The following NEK4 variants were observed in gnomAD, a reference collection of about 807,000 sequenced individuals.
NEK4 encodes the protein NIMA related kinase 4.
In NEK4, 86 loss-of-function variants were observed where a neutral mutation model predicts 98.4. The observed-to-expected ratio is 0.87, with a 90% CI of 0.73 to 1.05. The LOEUF (loss-of-function observed/expected upper bound fraction) is 1.05, where lower values mean the gene tolerates loss of function less well. NEK4 is among the 50% of genes least tolerant of loss of function. The pLI, the probability that NEK4 is intolerant of heterozygous loss-of-function variation, is 0.00. For synonymous variants in NEK4, 328 were observed against 342.2 expected (o/e 0.96, Z 0.46); for missense variants, 898 against 950.3 (o/e 0.94, Z 0.72).
intron 15 of NEK4, among the ~76,000 whole-genome samples, chr3:52,720,192 T>C (rs1197439467): frequency 6.6e-6 from 1 of 151,964 alleles, no homozygotes; most frequent in Non-Finnish European, 1.5e-5. Context: ...CTGAAGCAGA[T>C]GAGTAGCTAG....
chr3:52,747,470 G>C (rs1443890682), intron 8 of NEK4: 2 of 142,132 alleles, frequency 1.4e-5, no homozygotes, highest in South Asian at 4.5e-4. Context: ...AAAAAAAAAA[G>C]AAAAGAAAAG....
Position 52,735,037 on chromosome 3 carries a change from G to C in NEK4, c.2433+2549C>G, listed in dbSNP as rs2097374048. 3 of 173,436 alleles carry C rather than the reference G, an allele frequency of 1.7e-5. No homozygotes were observed. In the South Asian group the frequency reaches 4.3e-4, roughly 25 times the overall value. The allele number at this position is 173,436 out of a possible 1,614,324, so 10.7% of individuals were successfully genotyped here. On this transcript the variant is annotated intron_variant, in intron 15 of 15. Coordinates refer to ENST00000233027, the MANE Select transcript of NEK4 (RefSeq NM_003157.6). The stretch of plus-strand genomic sequence containing the variant: ...AAGCTCTTCAGTTACTCCATGAGGA[G>C]AAATACATGTAACGAGTAAGATGAG...
At chr3:52,741,583 T>G in intron 12 of NEK4, 84 bp from the exon 13 acceptor site, 1 of 794,456 alleles carries the variant, frequency 1.3e-6, no homozygotes. Context: ...ATGCAACAAC[T>G]AGACACAATA....
At chr3:52,744,899 G>T (rs2097393315) in intron 10 of NEK4, among the ~76,000 whole-genome samples, 1 of 151,798 alleles carries the variant, frequency 6.6e-6, no homozygotes, top group Non-Finnish European at 1.5e-5. Flanking sequence ...TTTCACATTT[G>T]CCATATTCGG....
chr3:52,712,172 AAC>A (rs2097351038), intron 15 of NEK4, among the ~76,000 whole-genome samples: 1 of 152,264 alleles, frequency 6.6e-6, no homozygotes, highest in Non-Finnish European at 1.5e-5. Flanking sequence ...GAATAGGTAA[AAC>A]AAAATCAATT....
At chr3:52,723,262 A>G (rs559656064) in intron 15 of NEK4, among the ~76,000 whole-genome samples, 2 of 152,022 alleles carry the variant, frequency 1.3e-5, no homozygotes, top group African/African-American at 4.8e-5. Flanking sequence ...AAAAAGAAAA[A>G]AAGAATTTTT....
At position 52,741,507 on chromosome 3, in the gene NEK4, A is replaced by G. The variant is rs2097386193; in HGVS notation, c.2005-8T>C. The G allele has an allele frequency of 6.4e-7, 1 of 1,567,020 alleles. No homozygotes were observed. Among genetic ancestry groups the G allele is most frequent in the South Asian group, 1.1e-5 (1 of 89,836 alleles). ...ATGAATCTGTTTCCTTTCCTATTAAATGTTTGGAAGAATTAAAATTCTACA... is the reference window on the plus strand; with the variant it reads ...ATGAATCTGTTTCCTTTCCTATTAAGTGTTTGGAAGAATTAAAATTCTACA... On this transcript the variant is annotated splice_region_variant and splice_polypyrimidine_tract_variant and intron_variant, in intron 12 of 15. Coordinates refer to ENST00000233027, the MANE Select transcript of NEK4 (RefSeq NM_003157.6).
intron 15 of NEK4, chr3:52,733,128 G>A: frequency 5.5e-6 from 1 of 180,452 alleles, no homozygotes. Context: ...TAGTTAAGAT[G>A]GCAAAGTTTT....
At chr3:52,746,323 AC>A in intron 9 of NEK4, 113 bp from the exon 10 acceptor site, 5 of 1,015,182 alleles carry the variant, frequency 4.9e-6, no homozygotes, top group Non-Finnish European at 7.1e-6. Flanking sequence ...AACCTTCAAA[AC>A]ATTGCATTTT....
At chr3:52,726,206 T>G (rs2097364418) in intron 15 of NEK4, among the ~76,000 whole-genome samples, 2 of 152,208 alleles carry the variant, frequency 1.3e-5, no homozygotes, top group African/African-American at 4.8e-5. Flanking sequence ...GATGGTTTGT[T>G]TTTAGGTGTA....
intron 15 of NEK4, among the ~76,000 whole-genome samples, chr3:52,713,142 T>C (rs1247451551): frequency 6.6e-6 from 1 of 152,198 alleles, no homozygotes; most frequent in Non-Finnish European, 1.5e-5. Context: ...TATGTGACAT[T>C]CAATGTATGC....
intron 15 of NEK4, among the ~76,000 whole-genome samples, chr3:52,721,111 A>C (rs2097359676): frequency 6.6e-6 from 1 of 152,210 alleles, no homozygotes; most frequent in African/African-American, 2.4e-5. Context: ...CTTCAGCCCC[A>C]AGCACTCTGC....
At chr3:52,717,955 G>A (rs572948761) in intron 15 of NEK4, among the ~76,000 whole-genome samples, 1 of 151,626 alleles carries the variant, frequency 6.6e-6, no homozygotes, top group Non-Finnish European at 1.5e-5. Flanking sequence ...CACCACACCA[G>A]GCTAATTTTT....
At chr3:52,743,295 C>T in intron 12 of NEK4, 57 bp downstream of exon 12, 1 of 1,347,294 alleles carries the variant, frequency 7.4e-7, no homozygotes, top group Non-Finnish European at 1.1e-6. Flanking sequence ...AGGTTTACTG[C>T]ATTAGGCCTG....
chr3:52,723,387 A>G (rs1201377755), intron 15 of NEK4, among the ~76,000 whole-genome samples: 1 of 152,110 alleles, frequency 6.6e-6, no homozygotes, highest in Non-Finnish European at 1.5e-5. Flanking sequence ...AGCTGGAATT[A>G]CAGGTGCATG....
Position 52,739,546 on chromosome 3 carries a change from G to C in NEK4, c.2182C>G (p.Pro728Ala), listed in dbSNP as rs143988179. Residue 728 changes from proline (P) to alanine (A), a missense_variant, in exon 14 of 16, where the codon CCG (proline) becomes GCG (alanine). Coordinates refer to ENST00000233027, the MANE Select transcript of NEK4 (RefSeq NM_003157.6). Reference sequence around the variant, plus strand: ...AATTCTGACACTGGGTTTGCTACCGGGACATCTTCACAGCTCTCTTTAGAA... The same window carrying C: ...AATTCTGACACTGGGTTTGCTACCGCGACATCTTCACAGCTCTCTTTAGAA... ...LDSKESCEDV[P>A]VANPVSEFKL... 2 of 1,614,022 alleles carry C rather than the reference G, an allele frequency of 1.2e-6. No individual in the cohort carries two copies. Among genetic ancestry groups the C allele is most frequent in the Non-Finnish European group, 1.7e-6 (2 of 1,179,928 alleles).
At position 52,710,017 on chromosome 3, in the gene NEK4, A is replaced by G. The variant is rs540928858; in HGVS notation, c.*1760T>C. ...AGGAAGTATTGTTTTATTCACCACT[A>G]TATCCCCAGCTCCTGGCAGAGAACC... On this transcript the variant is annotated 3_prime_UTR_variant, in exon 16 of 16. Coordinates refer to ENST00000233027, the MANE Select transcript of NEK4 (RefSeq NM_003157.6). The G allele has an allele frequency of 1.3e-5, 2 of 152,328 alleles. No individual in the cohort carries two copies. The highest frequency in any genetic ancestry group is 2.1e-4 in the South Asian group (1 of 4,824). The allele number at this position is 152,328 out of a possible 1,614,324, so 9.4% of individuals were successfully genotyped here.
chr3:52,715,388 G>C (rs1274558328), intron 15 of NEK4, among the ~76,000 whole-genome samples: 1 of 152,118 alleles, frequency 6.6e-6, no homozygotes, highest in South Asian at 2.1e-4. Context: ...CCTCTGAGCT[G>C]TTCTCTCTCT....
At chr3:52,724,988 T>C (rs2097363207) in intron 15 of NEK4, among the ~76,000 whole-genome samples, 1 of 152,220 alleles carries the variant, frequency 6.6e-6, no homozygotes, top group African/African-American at 2.4e-5. Context: ...GAAATACCTT[T>C]GGTAAAGATA....
Sources: gnomAD v4.1 joint callset for allele counts (sites outside exome capture counted in the v4.1 genomes callset) on GRCh38, gnomAD v4.1.1 for gene constraint, MANE v1.5 for transcripts, NCBI Gene and HGNC (gene_info 2026-07-23, HGNC 2026-07-21) for gene names.